Variants in TRPM7 observed in about 807,000 individuals in gnomAD.
TRPM7 encodes the protein LTRPC ion channel family member 7.
Under a neutral mutation model 229.7 loss-of-function variants are expected in TRPM7, and 134 were observed. The ratio of observed to expected loss-of-function variants is 0.58; its 90% CI spans 0.51 to 0.67. The LOEUF is 0.67. TRPM7 is among the 30% of genes least tolerant of loss of function. The probability of loss-of-function intolerance (pLI) is 0.00; values close to 1 mark genes in which losing one functional copy is unlikely to be tolerated. For synonymous variants in TRPM7, 699 were observed against 715.2 expected, an observed-to-expected ratio of 0.98 and a Z score of 0.36; for missense variants, 1,901 against 2,210.0, an observed-to-expected ratio of 0.86 and a Z score of 2.80.
chr15:50,619,053 A>T (rs544601813), intron 13 of TRPM7, among the ~76,000 whole-genome samples: 1 of 152,144 alleles, frequency 6.6e-6, no homozygotes, highest in Non-Finnish European at 1.5e-5. Flanking sequence ...CCCAGTCCTC[A>T]ATTTCCTTAT....
chr15:50,619,983 A>G (rs1210902464), intron 12 of TRPM7, among the ~76,000 whole-genome samples, 185 bp from the exon 13 acceptor site: 1 of 152,236 alleles, frequency 6.6e-6, no homozygotes, highest in Non-Finnish European at 1.5e-5. Context: ...TAATCTTAAG[A>G]GTATCACTAA....
chr15:50,631,397 A>T lies in TRPM7; in HGVS notation c.1204+20T>A. ...ATAAAATAAAAGGTCTTACAAATAA[A>T]AAAGTTCTTAGAGGCTTACCTTTTA... On this transcript the variant is annotated intron_variant, in intron 10 of 38. Coordinates refer to ENST00000646667, the MANE Select transcript of TRPM7 (RefSeq NM_017672.6). The T allele has an allele frequency of 6.4e-7, 1 of 1,553,606 alleles. No individual in the cohort carries two copies. The highest frequency in any genetic ancestry group is 8.8e-7 in the Non-Finnish European group (1 of 1,131,856).
rs778936714 is a variant in TRPM7, at chr15:50,592,060, G to A, written c.4175C>T (p.Pro1392Leu). The A allele has an allele frequency of 1.2e-6, 2 of 1,613,276 alleles. No individual in the cohort carries two copies. Among genetic ancestry groups the A allele is most frequent in the Admixed American group, 3.3e-5 (2 of 59,944 alleles). Residue 1392 changes from proline (P) to leucine (L), a missense_variant, in exon 26 of 39, where the codon CCA becomes CTA. This residue lies in a region of TRPM7 where 533 missense variants were observed against 497.1 expected (regional missense o/e 1.07). Transcript: ENST00000646667. ...QKLGSSSTSI[P>L]HLSSPPTKFF... The stretch of plus-strand genomic sequence containing the variant: ...TTTGGTTGGTGGGGATGACAGATGT[G>A]GTATGCTAGTAGATGAACTGCCTAA...
At chr15:50,562,545 G>A (rs775710016) in intron 38 of TRPM7, among the ~76,000 whole-genome samples, 1 of 152,152 alleles carries the variant, frequency 6.6e-6, no homozygotes, top group Admixed American at 6.5e-5. Context: ...CAAGGTGAGA[G>A]AATCATTTGA....
chr15:50,620,422 C>T lies in TRPM7; in HGVS notation c.1441-624G>A, dbSNP rs555248861. ...AGGAAAGCCAAAAGATTGGACATCCCTGATTTAACATTTATATATGCCATA... is the reference window on the plus strand; with the variant it reads ...AGGAAAGCCAAAAGATTGGACATCCTTGATTTAACATTTATATATGCCATA... On this transcript the variant is annotated intron_variant, in intron 12 of 38. Coordinates refer to ENST00000646667, the MANE Select transcript of TRPM7 (RefSeq NM_017672.6). Among the ~76,000 whole-genome samples the T allele has an allele frequency of 3.3e-4, 50 of 152,076 alleles. No individual in the cohort carries two copies. In the East Asian group the frequency reaches 9.3e-3, roughly 28 times the overall value.
chr15:50,571,273 C>T (rs1339638879), intron 36 of TRPM7, among the ~76,000 whole-genome samples: 2 of 152,156 alleles, frequency 1.3e-5, no homozygotes, highest in African/African-American at 4.8e-5. Flanking sequence ...CCGTAGAAGG[C>T]TGAGTATGAT....
At chr15:50,682,876 G>T (rs2062272663) in intron 1 of TRPM7, among the ~76,000 whole-genome samples, 1 of 150,926 alleles carries the variant, frequency 6.6e-6, no homozygotes, top group Non-Finnish European at 1.5e-5. Context: ...CTCAACCACT[G>T]AATTTTGCTT....
At chr15:50,602,080 A>G (rs899486309) in intron 21 of TRPM7, among the ~76,000 whole-genome samples, 1 of 152,010 alleles carries the variant, frequency 6.6e-6, no homozygotes, top group Non-Finnish European at 1.5e-5. Context: ...AGACACATGC[A>G]CACGTATGTT....
At chr15:50,619,979 TAA>T (rs1255435033) in intron 12 of TRPM7, among the ~76,000 whole-genome samples, 181 bp from the exon 13 acceptor site, 1 of 152,182 alleles carries the variant, frequency 6.6e-6, no homozygotes, top group African/African-American at 2.4e-5. Flanking sequence ...CAAATAATCT[TAA>T]GAGTATCACT....
Position 50,641,943 on chromosome 15 carries a change from T to C in TRPM7, c.535+1397A>G, listed in dbSNP as rs368956710. ...TGAACCCGGGAGGTGGAGGTTGCAG[T>C]GAGCTGAGATGGCACCACTGCACTC... On this transcript the variant is annotated intron_variant, in intron 5 of 38. Transcript: ENST00000646667. Among the ~76,000 whole-genome samples, 22 of 147,928 alleles carry C rather than the reference T, an allele frequency of 1.5e-4. No homozygotes were observed. The South Asian group carries it at 4.7e-3, about 31-fold the overall frequency.
chr15:50,675,278 G>A (rs1403758422), intron 1 of TRPM7, among the ~76,000 whole-genome samples: 1 of 151,938 alleles, frequency 6.6e-6, no homozygotes, highest in East Asian at 1.9e-4. Flanking sequence ...AGGACACAGA[G>A]GTTGCAGTGA....
rs527393501 is a variant in TRPM7, at chr15:50,633,355, A to G, written c.1008-363T>C. Reference sequence around the variant, plus strand: ...TAGGAACTCACATTTTTCTTTTTTGAATACTTAATACATTTTCATGGCTCA... The same window carrying G: ...TAGGAACTCACATTTTTCTTTTTTGGATACTTAATACATTTTCATGGCTCA... On this transcript the variant is annotated intron_variant, in intron 8 of 38. Coordinates refer to ENST00000646667, the MANE Select transcript of TRPM7 (RefSeq NM_017672.6). 5.9e-5 allele frequency among the ~76,000 whole-genome samples: 9 copies of G among 152,254 alleles called. No individual in the cohort carries two copies. In the South Asian group the frequency reaches 1.9e-3, roughly 31 times the overall value.
intron 11 of TRPM7, 150 bp downstream of exon 11, chr15:50,627,999 T>G: frequency 1.6e-6 from 1 of 610,810 alleles, no homozygotes; most frequent in East Asian, 2.8e-5. Flanking sequence ...AATCCTAAAC[T>G]GGATCGGAAT....
chr15:50,683,037 C>T (rs939680106), intron 1 of TRPM7, among the ~76,000 whole-genome samples: 1 of 152,000 alleles, frequency 6.6e-6, no homozygotes, highest in South Asian at 2.1e-4. Context: ...TGCGCATCAC[C>T]ATGCCCAGCT....
At chr15:50,665,582 A>G (rs530032082) in intron 1 of TRPM7, among the ~76,000 whole-genome samples, 62 of 152,338 alleles carry the variant, frequency 4.1e-4, no homozygotes, top group African/African-American at 1.4e-3. Flanking sequence ...TCATAATTAA[A>G]AATTTTAAAT....
intron 28 of TRPM7, among the ~76,000 whole-genome samples, chr15:50,585,952 T>TA (rs2059330455): frequency 6.6e-6 from 1 of 152,142 alleles, no homozygotes; most frequent in Non-Finnish European, 1.5e-5. Context: ...CATGAAACTC[T>TA]AAAGGGTAGA....
chr15:50,682,341 G>A (rs1247317759), intron 1 of TRPM7, among the ~76,000 whole-genome samples: 1 of 151,544 alleles, frequency 6.6e-6, no homozygotes, highest in African/African-American at 2.4e-5. Context: ...CAGAAAAACA[G>A]GTTAAAAAAA....
intron 21 of TRPM7, among the ~76,000 whole-genome samples, chr15:50,603,752 T>C (rs2059844248): frequency 6.6e-6 from 1 of 152,122 alleles, no homozygotes; most frequent in South Asian, 2.1e-4. Context: ...AGACTGATTT[T>C]CTAAGATTAA....
At chr15:50,682,136 C>T (rs566519377) in intron 1 of TRPM7, among the ~76,000 whole-genome samples, 3 of 131,576 alleles carry the variant, frequency 2.3e-5, no homozygotes, top group African/African-American at 5.9e-5. Flanking sequence ...CGACATCGCG[C>T]CACCGCAAGC....
Sources: gnomAD v4.1 joint callset for allele counts (sites outside exome capture counted in the v4.1 genomes callset) on GRCh38, gnomAD v4.1.1 for gene constraint, gnomAD v4.1.1 regional missense constraint, MANE v1.5 for transcripts, NCBI Gene and HGNC (gene_info 2026-07-23, HGNC 2026-07-21) for gene names.